PLCXD3: variants seen among roughly 807,000 people sequenced by gnomAD.
The protein encoded by PLCXD3 is PI-PLC X domain-containing protein 3.
In PLCXD3, 19 loss-of-function variants were observed where a neutral mutation model predicts 25.5. The observed-to-expected ratio is 0.75, with a 90% CI of 0.52 to 1.09. PLCXD3 has a LOEUF of 1.09. PLCXD3 is among the 50% of genes least tolerant of loss of function. The pLI is 0.00. For synonymous variants in PLCXD3, 174 were observed against 137.6 expected (o/e 1.26, Z -1.85); for missense variants, 411 against 388.1 (o/e 1.06, Z -0.50).
At chr5:41,318,428 A>C (rs978306432) in intron 2 of PLCXD3, among the ~76,000 whole-genome samples, 1 of 152,174 alleles carries the variant, frequency 6.6e-6, no homozygotes, top group Non-Finnish European at 1.5e-5. Flanking sequence ...AGTAGAAACA[A>C]CAAAATGTTT....
At chr5:41,372,992 C>A (rs76983993) in intron 2 of PLCXD3, among the ~76,000 whole-genome samples, 16,707 of 152,028 alleles carry the variant, frequency 0.11, 1,158 homozygotes, top group Admixed American at 0.17. Flanking sequence ...TGCAGTGAGC[C>A]AAGATCATGC....
intron 1 of PLCXD3, among the ~76,000 whole-genome samples, chr5:41,428,235 A>G (rs1747008346): frequency 6.6e-6 from 1 of 152,144 alleles, no homozygotes; most frequent in African/African-American, 2.4e-5. Flanking sequence ...TCAGACATGT[A>G]TTAAAAATAT....
At chr5:41,378,513 G>C (rs1414748510) in intron 2 of PLCXD3, among the ~76,000 whole-genome samples, 1 of 151,816 alleles carries the variant, frequency 6.6e-6, no homozygotes, top group Non-Finnish European at 1.5e-5. Context: ...CCTTTTTCTT[G>C]TCAATGATAC....
chr5:41,442,961 T>C (rs575954701), intron 1 of PLCXD3, among the ~76,000 whole-genome samples: 1 of 151,926 alleles, frequency 6.6e-6, no homozygotes, highest in Admixed American at 6.6e-5. Flanking sequence ...GTTCTCCTTA[T>C]AATATATGAA....
chr5:41,456,024 T>G lies in PLCXD3; in HGVS notation c.103+54400A>C, dbSNP rs141163343. Among the ~76,000 whole-genome samples, 153 of 151,632 alleles carry G rather than the reference T, an allele frequency of 1.0e-3. 1 individual carries two copies. Among genetic ancestry groups the G allele is most frequent in the African/African-American group, 3.6e-3 (147 of 41,316 alleles). ...TAGTATGGTACAGTGATAGATGGAGTCTGGAGTAAAAAAAAATAGGGGTCA... is the reference window on the plus strand; with the variant it reads ...TAGTATGGTACAGTGATAGATGGAGGCTGGAGTAAAAAAAAATAGGGGTCA... On this transcript the variant is annotated intron_variant, in intron 1 of 2. Coordinates refer to ENST00000377801, the MANE Select transcript of PLCXD3 (RefSeq NM_001005473.3).
chr5:41,423,477 C>T (rs1746876354), intron 1 of PLCXD3, among the ~76,000 whole-genome samples: 1 of 152,062 alleles, frequency 6.6e-6, no homozygotes, highest in South Asian at 2.1e-4. Flanking sequence ...GCCTTCATTT[C>T]TAGAATGATT....
At chr5:41,393,543 C>A (rs1745902171) in intron 1 of PLCXD3, among the ~76,000 whole-genome samples, 1 of 151,950 alleles carries the variant, frequency 6.6e-6, no homozygotes, top group Non-Finnish European at 1.5e-5. Flanking sequence ...CACGCCAGAC[C>A]CACCCTAGAA....
At chr5:41,404,097 A>G (rs1022819049) in intron 1 of PLCXD3, among the ~76,000 whole-genome samples, 23 of 152,168 alleles carry the variant, frequency 1.5e-4, no homozygotes, top group African/African-American at 5.5e-4. Flanking sequence ...CTTTAGATTA[A>G]AATACATTAA....
chr5:41,450,364 A>T (rs1747600847), intron 1 of PLCXD3, among the ~76,000 whole-genome samples: 1 of 152,120 alleles, frequency 6.6e-6, no homozygotes, highest in Non-Finnish European at 1.5e-5. Flanking sequence ...TGTTTTTCAA[A>T]GGTCTCCAAG....
At chr5:41,428,112 C>T (rs777617611) in intron 1 of PLCXD3, among the ~76,000 whole-genome samples, 1 of 152,126 alleles carries the variant, frequency 6.6e-6, no homozygotes, top group Non-Finnish European at 1.5e-5. Flanking sequence ...CTTTGTCTCT[C>T]TCCCCACACC....
intron 1 of PLCXD3, among the ~76,000 whole-genome samples, chr5:41,431,154 A>C (rs1747090288): frequency 6.6e-6 from 1 of 152,182 alleles, no homozygotes; most frequent in Non-Finnish European, 1.5e-5. Context: ...CCTTCCATAG[A>C]GGGATTTTAT....
chr5:41,440,928 A>T (rs573552660), intron 1 of PLCXD3, among the ~76,000 whole-genome samples: 2 of 152,298 alleles, frequency 1.3e-5, no homozygotes, highest in South Asian at 4.1e-4. Flanking sequence ...CCATGAGATC[A>T]GGCTATCAGA....
chr5:41,449,666 A>G (rs775005866), intron 1 of PLCXD3, among the ~76,000 whole-genome samples: 1 of 152,140 alleles, frequency 6.6e-6, no homozygotes, highest in Non-Finnish European at 1.5e-5. Flanking sequence ...GTTCCATCCT[A>G]CTGGGAATAC....
chr5:41,396,905 C>G (rs534659630), intron 1 of PLCXD3, among the ~76,000 whole-genome samples: 11 of 152,322 alleles, frequency 7.2e-5, no homozygotes, highest in South Asian at 2.1e-4. Context: ...GAAGAAATTT[C>G]TAAGCAGCAA....
chr5:41,330,362 C>T (rs1743760035), intron 2 of PLCXD3, among the ~76,000 whole-genome samples: 3 of 152,106 alleles, frequency 2.0e-5, no homozygotes, highest in Admixed American at 6.6e-5. Context: ...TGGATAAATT[C>T]CTCGACACAT....
At chr5:41,478,872 A>C (rs1318216564) in intron 1 of PLCXD3, among the ~76,000 whole-genome samples, 1 of 152,208 alleles carries the variant, frequency 6.6e-6, no homozygotes, top group Non-Finnish European at 1.5e-5. Flanking sequence ...CACCTTCTTC[A>C]CATGGCAGAG....
chr5:41,328,336 C>A (rs1743692383), intron 2 of PLCXD3, among the ~76,000 whole-genome samples: 1 of 152,112 alleles, frequency 6.6e-6, no homozygotes, highest in Non-Finnish European at 1.5e-5. Flanking sequence ...GGGATTAACA[C>A]CTGGGCATAA....
chr5:41,476,937 C>T (rs1748296997), intron 1 of PLCXD3, among the ~76,000 whole-genome samples: 1 of 152,172 alleles, frequency 6.6e-6, no homozygotes, highest in Admixed American at 6.5e-5. Flanking sequence ...TCTTCCACTG[C>T]CTTTGAGATG....
chr5:41,366,336 G>T (rs1273903262), intron 2 of PLCXD3, among the ~76,000 whole-genome samples: 1 of 152,172 alleles, frequency 6.6e-6, no homozygotes, highest in Non-Finnish European at 1.5e-5. Context: ...AGGAAAACAT[G>T]AGGTTCAGAG....
Sources: allele counts gnomAD v4.1 joint callset (sites outside exome capture counted in the v4.1 genomes callset), GRCh38; gene constraint gnomAD v4.1.1; transcripts MANE v1.5; gene names NCBI Gene and HGNC (gene_info 2026-07-23, HGNC 2026-07-21).